Variants in KANK1 observed in about 807,000 individuals in gnomAD.
KANK1 encodes the protein KN motif and ankyrin repeat domain-containing protein 1.
KANK1 carries 109 observed loss-of-function variants against 106.2 expected under a neutral mutation model. That is an observed-to-expected ratio of 1.03 (90% CI 0.88 to 1.20). KANK1 has a LOEUF of 1.20. Ranked by LOEUF, KANK1 falls within the 50% of genes most tolerant of loss-of-function variation. KANK1 has a pLI of 0.00. For synonymous variants in KANK1, 873 were observed against 652.2 expected (o/e 1.34, Z -5.16); for missense variants, 2,399 against 1,710.7 (o/e 1.40, Z -7.10).
chr9:652,249 G>A (rs771844059), intron 1 of KANK1, among the ~76,000 whole-genome samples: 3 of 152,078 alleles, frequency 2.0e-5, no homozygotes, highest in South Asian at 2.1e-4. Flanking sequence ...GGCCAGGTGC[G>A]ACGGTTTACT....
In KANK1 at chr9:574,879, AT is replaced by A. The variant is rs1193652452; in HGVS notation, c.-84+70126del. ...CAAAAAAAAAAAAAAAAGAAAAAAAATATTTTTTCTTTTTTTAAGTGTATAT... is the reference window on the plus strand; with the variant it reads ...CAAAAAAAAAAAAAAAAGAAAAAAAAATTTTTTCTTTTTTTAAGTGTATAT... On this transcript the variant is annotated intron_variant, in intron 1 of 11. Coordinates refer to ENST00000382297, the MANE Select transcript of KANK1 (RefSeq NM_015158.5). Among the ~76,000 whole-genome samples the A allele has an allele frequency of 8.6e-5, 13 of 151,844 alleles. No individual in the cohort carries two copies. The South Asian group carries it at 1.2e-3, about 15-fold the overall frequency.
At chr9:634,241 T>G (rs112131944) in intron 1 of KANK1, among the ~76,000 whole-genome samples, 223 of 152,242 alleles carry the variant, frequency 1.5e-3, no homozygotes, top group African/African-American at 5.1e-3. Flanking sequence ...AGCGGAGGAC[T>G]TAGGGAATGG....
At chr9:547,515 T>C (rs770682477) in intron 1 of KANK1, among the ~76,000 whole-genome samples, 2 of 145,014 alleles carry the variant, frequency 1.4e-5, no homozygotes, top group African/African-American at 2.4e-5. Flanking sequence ...AATTTAAAGA[T>C]GGTGATGGGG....
At chr9:650,031 C>G (rs987183220) in intron 1 of KANK1, among the ~76,000 whole-genome samples, 2 of 152,172 alleles carry the variant, frequency 1.3e-5, no homozygotes, top group Admixed American at 6.5e-5. Context: ...CGTAAGACTG[C>G]TTGCAATCCC....
intron 1 of KANK1, among the ~76,000 whole-genome samples, chr9:543,990 C>G (rs116149690): frequency 0.042 from 6,434 of 151,910 alleles, 141 homozygotes; most frequent in Non-Finnish European, 0.055. Flanking sequence ...GTAAATATAA[C>G]ATTTCATGTT....
At chr9:563,718 C>T (rs959273393) in intron 1 of KANK1, among the ~76,000 whole-genome samples, 1 of 152,128 alleles carries the variant, frequency 6.6e-6, no homozygotes, top group Non-Finnish European at 1.5e-5. Context: ...AGAGGTTTCT[C>T]TTCTTTTTAA....
intron 1 of KANK1, among the ~76,000 whole-genome samples, chr9:634,071 G>C (rs1428403950): frequency 1.3e-5 from 2 of 152,304 alleles, no homozygotes; most frequent in East Asian, 1.9e-4. Context: ...ATTTGTAATT[G>C]CCCAATTGCA....
At chr9:481,735 C>T (rs144095142) in intron 3 of KANK1, among the ~76,000 whole-genome samples, 7 of 152,068 alleles carry the variant, frequency 4.6e-5, no homozygotes, top group African/African-American at 1.7e-4. Context: ...GTGGCTCACA[C>T]CTCGATCTCT....
At chr9:713,770 T>C (rs1406785715) in intron 3 of KANK1, among the ~76,000 whole-genome samples, 1 of 152,106 alleles carries the variant, frequency 6.6e-6, no homozygotes, top group East Asian at 1.9e-4. Context: ...TTATTCTTTG[T>C]CTTTCAGTTA....
intron 1 of KANK1, among the ~76,000 whole-genome samples, chr9:584,133 T>G (rs1207329317): frequency 1.3e-5 from 2 of 152,150 alleles, no homozygotes; most frequent in Admixed American, 1.3e-4. Context: ...AGAGGTGACT[T>G]AAGTGCTTCA....
chr9:562,680 G>A (rs1387557447), intron 1 of KANK1, among the ~76,000 whole-genome samples: 1 of 152,186 alleles, frequency 6.6e-6, no homozygotes, highest in Non-Finnish European at 1.5e-5. Flanking sequence ...ATATTGGATA[G>A]TACTTTCTAA....
At chr9:729,899 T>C in intron 3 of KANK1, 152 bp from the exon 4 acceptor site, 1 of 652,890 alleles carries the variant, frequency 1.5e-6, no homozygotes, top group Non-Finnish European at 2.6e-6. Flanking sequence ...GCTAATGAAA[T>C]CAGGAAAGCT....
chr9:523,361 G>C (rs1039488466), intron 1 of KANK1, among the ~76,000 whole-genome samples: 1 of 151,528 alleles, frequency 6.6e-6, no homozygotes, highest in African/African-American at 2.4e-5. Context: ...AATATATGTA[G>C]AATCTGCATC....
intron 3 of KANK1, among the ~76,000 whole-genome samples, chr9:497,389 C>T (rs1291836300): frequency 6.6e-6 from 1 of 151,900 alleles, no homozygotes; most frequent in East Asian, 1.9e-4. Flanking sequence ...CACCTTTTCT[C>T]TGAGGGAGAC....
chr9:558,004 A>G (rs201891363), intron 1 of KANK1, among the ~76,000 whole-genome samples: 1 of 143,760 alleles, frequency 7.0e-6, no homozygotes, highest in Non-Finnish European at 1.6e-5. Flanking sequence ...GACTCTCTCA[A>G]AAAACAAACA....
intron 1 of KANK1, among the ~76,000 whole-genome samples, chr9:514,610 T>C (rs889573702): frequency 6.6e-6 from 1 of 151,618 alleles, no homozygotes; most frequent in Non-Finnish European, 1.5e-5. Context: ...TTTGTGAGAT[T>C]GATCCATGTT....
Position 558,065 on chromosome 9 carries a change from G to A in KANK1, c.-84+53311G>A, listed in dbSNP as rs140952366. 2.5e-3 allele frequency among the ~76,000 whole-genome samples: 382 copies of A among 152,298 alleles called. 6 individuals are homozygous for A. Among genetic ancestry groups the A allele is most frequent in the African/African-American group, 9.2e-3 (381 of 41,574 alleles). ...GAATGTCAAGGAACCCAGGAGTGAA[G>A]ATCGGATTAGTCAGATGCTGTGAGA... On this transcript the variant is annotated intron_variant, in intron 1 of 11. Coordinates refer to ENST00000382297, the MANE Select transcript of KANK1 (RefSeq NM_015158.5).
At chr9:727,373 TG>T (rs1830967071) in intron 3 of KANK1, among the ~76,000 whole-genome samples, 1 of 151,932 alleles carries the variant, frequency 6.6e-6, no homozygotes, top group African/African-American at 2.4e-5. Flanking sequence ...TGGAGTGCAG[TG>T]GGACGATCTT....
intron 1 of KANK1, among the ~76,000 whole-genome samples, chr9:675,546 A>C (rs1346022104): frequency 6.6e-6 from 1 of 152,070 alleles, no homozygotes; most frequent in Non-Finnish European, 1.5e-5. Context: ...TTGTGATTGA[A>C]ATATAAGTCT....
Sources: allele counts gnomAD v4.1 joint callset (sites outside exome capture counted in the v4.1 genomes callset), GRCh38; gene constraint gnomAD v4.1.1; transcripts MANE v1.5; gene names NCBI Gene and HGNC (gene_info 2026-07-23, HGNC 2026-07-21).